The following PPP2R5E variants were observed in gnomAD, a reference collection of about 807,000 sequenced individuals.
PPP2R5E encodes the protein serine/threonine-protein phosphatase 2A 56 kDa regulatory subunit epsilon isoform.
In PPP2R5E, 4 loss-of-function variants were observed where a neutral mutation model predicts 65.3. The observed-to-expected ratio is 0.06, with a 90% CI of 0.03 to 0.14. The LOEUF (loss-of-function observed/expected upper bound fraction) is 0.14. Among genes scored for constraint, PPP2R5E ranks in the 10% least tolerant of loss-of-function variants. The pLI is 1.00. For missense variants in PPP2R5E, 274 were observed against 556.1 expected, an observed-to-expected ratio of 0.49 and a Z score of 5.10; for synonymous variants, 183 against 187.4, an observed-to-expected ratio of 0.98 and a Z score of 0.19.
intron 3 of PPP2R5E, among the ~76,000 whole-genome samples, chr14:63,432,001 G>T (rs1421694346): frequency 6.8e-6 from 1 of 146,994 alleles, no homozygotes; most frequent in African/African-American, 2.5e-5. Flanking sequence ...ATATTAAAAT[G>T]ATCAGAAGTT....
At chr14:63,469,200 C>T (rs909468133) in intron 2 of PPP2R5E, among the ~76,000 whole-genome samples, 2 of 152,102 alleles carry the variant, frequency 1.3e-5, no homozygotes, top group African/African-American at 4.8e-5. Flanking sequence ...ATGAAGCTTA[C>T]AGACCAAATG....
intron 3 of PPP2R5E, among the ~76,000 whole-genome samples, chr14:63,432,282 T>C (rs1887715219): frequency 6.6e-6 from 1 of 152,136 alleles, no homozygotes; most frequent in Admixed American, 6.5e-5. Context: ...TATTGCTGCT[T>C]ACTGCTGTTA....
At chr14:63,491,821 T>G (rs1264692795) in intron 2 of PPP2R5E, among the ~76,000 whole-genome samples, 1 of 152,172 alleles carries the variant, frequency 6.6e-6, no homozygotes, top group Non-Finnish European at 1.5e-5. Context: ...CACTCCAGTC[T>G]GGGTGACAAG....
At chr14:63,521,194 T>G (rs1338802146) in intron 2 of PPP2R5E, among the ~76,000 whole-genome samples, 1 of 152,236 alleles carries the variant, frequency 6.6e-6, no homozygotes, top group Non-Finnish European at 1.5e-5. Context: ...ACAGTTAAAA[T>G]AAATCCCAGT....
At chr14:63,538,213 A>G (rs996153966) in intron 2 of PPP2R5E, among the ~76,000 whole-genome samples, 2 of 151,522 alleles carry the variant, frequency 1.3e-5, no homozygotes, top group African/African-American at 2.4e-5. Context: ...AGGGAGGATC[A>G]CTTGAGCCTA....
At chr14:63,486,844 A>G (rs1301380932) in intron 2 of PPP2R5E, among the ~76,000 whole-genome samples, 3 of 152,156 alleles carry the variant, frequency 2.0e-5, no homozygotes. Flanking sequence ...TTTCATGAAG[A>G]CTTTCCTGGC....
intron 13 of PPP2R5E, among the ~76,000 whole-genome samples, chr14:63,380,054 G>A (rs570352777): frequency 2.7e-5 from 4 of 150,588 alleles, no homozygotes; most frequent in Non-Finnish European, 4.4e-5. Context: ...GGATGGTCTC[G>A]AACTCCTGAC....
chr14:63,510,175 G>A (rs942570689), intron 2 of PPP2R5E, among the ~76,000 whole-genome samples: 2 of 152,214 alleles, frequency 1.3e-5, no homozygotes, highest in Middle Eastern at 3.4e-3. Context: ...TCACAACACC[G>A]GTCCAGCTGA....
At chr14:63,511,650 A>C (rs1041319615) in intron 2 of PPP2R5E, among the ~76,000 whole-genome samples, 39 of 152,244 alleles carry the variant, frequency 2.6e-4, no homozygotes, top group African/African-American at 7.7e-4. Context: ...TCAATTCTAA[A>C]GTAAACTGAC....
chr14:63,430,486 ATAAT>A (rs1380474099), intron 3 of PPP2R5E, among the ~76,000 whole-genome samples: 3 of 151,928 alleles, frequency 2.0e-5, no homozygotes, highest in African/African-American at 7.3e-5. Context: ...TAACATAAAA[ATAAT>A]AAATAATAAC....
chr14:63,527,979 A>G (rs1893250554), intron 2 of PPP2R5E, among the ~76,000 whole-genome samples: 1 of 151,982 alleles, frequency 6.6e-6, no homozygotes, highest in African/African-American at 2.4e-5. Context: ...ATTCAAACTC[A>G]GGTATGTGTG....
intron 2 of PPP2R5E, among the ~76,000 whole-genome samples, chr14:63,534,316 T>C (rs1255785): frequency 1 from 151,710 of 152,176 alleles, 75,630 homozygotes; most frequent in Middle Eastern, 1. Flanking sequence ...AAGACAGAGT[T>C]TATAGTGGCA....
At chr14:63,470,496 ATG>A (rs1357801580) in intron 2 of PPP2R5E, among the ~76,000 whole-genome samples, 1 of 151,986 alleles carries the variant, frequency 6.6e-6, no homozygotes, top group Non-Finnish European at 1.5e-5. Context: ...CCCTCTGATA[ATG>A]TGGTGATTGA....
chr14:63,480,995 T>C (rs530745763), intron 2 of PPP2R5E, among the ~76,000 whole-genome samples: 2 of 152,304 alleles, frequency 1.3e-5, no homozygotes, highest in South Asian at 2.1e-4. Context: ...GCAAATCTAG[T>C]AGTTTATCTG....
chr14:63,481,365 G>A (rs933055744), intron 2 of PPP2R5E, among the ~76,000 whole-genome samples: 5 of 151,778 alleles, frequency 3.3e-5, no homozygotes, highest in African/African-American at 7.3e-5. Flanking sequence ...GCGTGGTAGC[G>A]TGCACCTGTA....
chr14:63,447,649 C>T (rs1888558583), intron 3 of PPP2R5E, among the ~76,000 whole-genome samples: 1 of 152,192 alleles, frequency 6.6e-6, no homozygotes, highest in Non-Finnish European at 1.5e-5. Context: ...GTTTTAATTT[C>T]CTTCAAGAAC....
At chr14:63,390,113 C>T (rs1884926317) in intron 10 of PPP2R5E, among the ~76,000 whole-genome samples, 1 of 151,886 alleles carries the variant, frequency 6.6e-6, no homozygotes. Context: ...GGTGGCCCTC[C>T]TAAATGGAAG....
intron 5 of PPP2R5E, among the ~76,000 whole-genome samples, chr14:63,405,627 T>C (rs1253341552): frequency 6.6e-6 from 1 of 152,094 alleles, no homozygotes; most frequent in African/African-American, 2.4e-5. Context: ...ATTTGCAGAG[T>C]AGTTGAAAGT....
intron 3 of PPP2R5E, among the ~76,000 whole-genome samples, chr14:63,425,787 A>C (rs894094465): frequency 1.3e-5 from 2 of 152,216 alleles, no homozygotes; most frequent in Admixed American, 1.3e-4. Context: ...ACAAACTTCA[A>C]CATTTTCTTG....
Sources: gnomAD v4.1 joint callset for allele counts (sites outside exome capture counted in the v4.1 genomes callset) on GRCh38, gnomAD v4.1.1 for gene constraint, MANE v1.5 for transcripts, NCBI Gene and HGNC (gene_info 2026-07-23, HGNC 2026-07-21) for gene names.